CFAP47: variants seen among roughly 807,000 people sequenced by gnomAD.
The protein encoded by CFAP47 is cilia and flagella associated protein 47.
CFAP47 carries 29 observed loss-of-function variants against 148.1 expected under a neutral mutation model. That is an observed-to-expected ratio of 0.20 (90% confidence interval 0.15 to 0.27). The LOEUF (loss-of-function observed/expected upper bound fraction) is 0.27, where lower values mean the gene tolerates loss of function less well. Ranked by LOEUF, CFAP47 falls within the 10% of genes least tolerant of loss-of-function variation. CFAP47 has a pLI of 1.00. For synonymous variants in CFAP47, 664 were observed against 577.3 expected, an observed-to-expected ratio of 1.15 and a Z score of -2.15; for missense variants, 1,872 against 1,697.5, an observed-to-expected ratio of 1.10 and a Z score of -1.81.
intron 62 of CFAP47, among the ~76,000 whole-genome samples, chrX:36,371,026 C>T (rs1294208841): frequency 9.0e-6 from 1 of 110,982 alleles, no homozygotes; most frequent in African/African-American, 3.3e-5. Context: ...CATAATAATA[C>T]AAAGTATTCT....
At chrX:36,350,225 T>A in intron 59 of CFAP47, 93 bp downstream of exon 59, 1 of 557,999 alleles carries the variant, frequency 1.8e-6, no homozygotes, top group Non-Finnish European at 2.9e-6. Flanking sequence ...CCAGAGAAAG[T>A]AGGTAGTAAT....
chrX:35,938,413 TC>T (rs1216834107), intron 2 of CFAP47, among the ~76,000 whole-genome samples: 1 of 111,632 alleles, frequency 9.0e-6, no homozygotes, highest in African/African-American at 3.2e-5. Flanking sequence ...TAGTCATAAA[TC>T]CATGCATATT....
At chrX:36,361,912 T>G (rs1325086293) in intron 61 of CFAP47, among the ~76,000 whole-genome samples, 1 of 112,353 alleles carries the variant, frequency 8.9e-6, no homozygotes, top group Non-Finnish European at 1.9e-5. Flanking sequence ...TTCATTACAT[T>G]TTACTACTCA....
chrX:36,040,650 C>G (rs1249687982), intron 25 of CFAP47, among the ~76,000 whole-genome samples: 1 of 111,247 alleles, frequency 9.0e-6, no homozygotes, highest in Admixed American at 9.6e-5. Context: ...GAAAAGATAA[C>G]AAGATCCACC....
chrX:36,250,774 C>T (rs1294828769), intron 48 of CFAP47, among the ~76,000 whole-genome samples: 3 of 110,556 alleles, frequency 2.7e-5, no homozygotes, highest in Non-Finnish European at 5.7e-5. Context: ...TGTTTAATTT[C>T]ATTACTAATA....
intron 45 of CFAP47, among the ~76,000 whole-genome samples, chrX:36,213,765 A>G (rs1940128468): frequency 8.9e-6 from 1 of 112,437 alleles, no homozygotes; most frequent in Admixed American, 9.5e-5. Context: ...AAAATGTGAA[A>G]TCACAATGCT....
intron 60 of CFAP47, among the ~76,000 whole-genome samples, chrX:36,358,792 A>C (rs1249143173): frequency 9.0e-6 from 1 of 111,587 alleles, no homozygotes; most frequent in African/African-American, 3.3e-5. Context: ...CTGCAGTCTG[A>C]GTAATTCCTG....
intron 61 of CFAP47, among the ~76,000 whole-genome samples, chrX:36,366,648 A>G (rs1941879675): frequency 9.0e-6 from 1 of 111,566 alleles, no homozygotes; most frequent in Non-Finnish European, 1.9e-5. Flanking sequence ...ATGCACTATG[A>G]TAATCTATGC....
rs1332017958 is a variant in CFAP47, at chrX:36,085,368, C to G, written c.4746C>G (p.Ser1582=). The G allele has an allele frequency of 8.3e-7, 1 of 1,207,546 alleles. No individual in the cohort carries two copies. The highest frequency in any genetic ancestry group is 3.0e-5 in the East Asian group (1 of 33,699). ...YSSTSPPQKF[S]RQNDFSKYNK... is the part of the protein sequence containing the mutation. Reference sequence around the variant, plus strand: ...CAACCTCGCCACCCCAAAAGTTTTCCAGACAGAATGACTTTTCCAAATATA... The same window carrying G: ...CAACCTCGCCACCCCAAAAGTTTTCGAGACAGAATGACTTTTCCAAATATA... Residue 1582 remains serine (S), a synonymous_variant, in exon 30 of 64, where the codon TCC becomes TCG. Coordinates refer to ENST00000378653, the MANE Select transcript of CFAP47 (RefSeq NM_001304548.2).
intron 13 of CFAP47, among the ~76,000 whole-genome samples, chrX:35,973,761 T>C (rs1023537639): frequency 1.2e-4 from 13 of 111,929 alleles, no homozygotes; most frequent in African/African-American, 3.9e-4. Flanking sequence ...ATCTGTGAAA[T>C]GGGAAGTGAT....
Position 35,975,881 on chromosome X carries a change from G to A in CFAP47, c.2681G>A (p.Arg894Lys). Residue 894 changes from arginine to lysine, a missense_variant, in exon 15 of 64, where the codon AGA (arginine) becomes AAA (lysine). Physicochemically the swap from Arg to Lys is conservative, Grantham distance 26. Transcript: ENST00000378653. Reference sequence around the variant, plus strand: ...CAATGGCAACCCGTAAACACAGGAAGAGGGATAGCATTTTCTATTTGTCCA... The same window carrying A: ...CAATGGCAACCCGTAAACACAGGAAAAGGGATAGCATTTTCTATTTGTCCA... The part of the protein sequence containing the change: ...QFQWQPVNTG[R>K]GIAFSICPAK... 4 of 1,210,636 alleles carry A rather than the reference G, an allele frequency of 3.3e-6. No individual in the cohort carries two copies. The African/African-American group carries it at 5.2e-5, about 16-fold the overall frequency.
intron 15 of CFAP47, among the ~76,000 whole-genome samples, chrX:35,977,803 T>G (rs1278814436): frequency 8.9e-6 from 1 of 111,769 alleles, no homozygotes; most frequent in African/African-American, 3.3e-5. Flanking sequence ...AGTATTAAAT[T>G]AAATTCACTT....
chrX:36,196,448 C>G (rs1939921651), intron 42 of CFAP47, among the ~76,000 whole-genome samples: 1 of 111,154 alleles, frequency 9.0e-6, no homozygotes, highest in Non-Finnish European at 1.9e-5. Flanking sequence ...TATGAAAAAT[C>G]AAGGAGATTT....
At chrX:35,945,571 C>T (rs1224468252) in intron 3 of CFAP47, among the ~76,000 whole-genome samples, 1 of 111,203 alleles carries the variant, frequency 9.0e-6, no homozygotes, top group African/African-American at 3.3e-5. Flanking sequence ...CAAAACTTGG[C>T]AAAATTTTCA....
intron 30 of CFAP47, among the ~76,000 whole-genome samples, chrX:36,092,954 C>T (rs1453477106): frequency 9.0e-6 from 1 of 110,985 alleles, no homozygotes; most frequent in Non-Finnish European, 1.9e-5. Flanking sequence ...TCTCTATCTC[C>T]ATGTCTTCAA....
At chrX:36,116,542 C>T (rs1287810731) in intron 33 of CFAP47, among the ~76,000 whole-genome samples, 1 of 112,199 alleles carries the variant, frequency 8.9e-6, no homozygotes, top group Non-Finnish European at 1.9e-5. Flanking sequence ...AACTGATTAG[C>T]TGGTTCAGAA....
At chrX:36,338,035 AT>A (rs1209274928) in intron 57 of CFAP47, among the ~76,000 whole-genome samples, 3,930 of 46,403 alleles carry the variant, frequency 0.085, 117 homozygotes, top group African/African-American at 0.22. Context: ...ACGCCTGGCT[AT>A]TTTTTTTTTT....
intron 29 of CFAP47, among the ~76,000 whole-genome samples, chrX:36,074,601 T>G (rs745594581): frequency 1.8e-5 from 2 of 111,228 alleles, no homozygotes; most frequent in South Asian, 7.5e-4. Context: ...ACTTATGGAG[T>G]TTTTTCAAAT....
intron 30 of CFAP47, among the ~76,000 whole-genome samples, chrX:36,086,129 T>C (rs1455653182): frequency 8.9e-6 from 1 of 112,198 alleles, no homozygotes; most frequent in African/African-American, 3.2e-5. Context: ...TTTAAATGGT[T>C]GATGCAAAAG....
Sources: gnomAD v4.1 joint callset for allele counts (sites outside exome capture counted in the v4.1 genomes callset) on GRCh38, gnomAD v4.1.1 for gene constraint, MANE v1.5 for transcripts, NCBI Gene and HGNC (gene_info 2026-07-23, HGNC 2026-07-21) for gene names.